The following ATP5PO variants were observed in gnomAD, a reference collection of about 807,000 sequenced individuals.
ATP5PO encodes ATP synthase peripheral stalk subunit OSCP, also known as ATP synthase peripheral stalk subunit OSCP, mitochondrial.
Under a neutral mutation model 26.2 loss-of-function variants are expected in ATP5PO, and 14 were observed. That is an observed-to-expected ratio of 0.53 (90% CI 0.35 to 0.83). ATP5PO has a LOEUF of 0.83. Among genes scored for constraint, ATP5PO ranks in the 40% least tolerant of loss-of-function variants. The probability of loss-of-function intolerance (pLI) is 0.01; values close to 1 mark genes in which losing one functional copy is unlikely to be tolerated. For missense variants in ATP5PO, 241 were observed against 258.5 expected (o/e 0.93, Z 0.46); for synonymous variants, 106 against 95.1 (o/e 1.12, Z -0.67).
At chr21:33,913,482 G>T (rs1208665505) in intron 2 of ATP5PO, among the ~76,000 whole-genome samples, 4 of 152,128 alleles carry the variant, frequency 2.6e-5, no homozygotes, top group Admixed American at 6.5e-5. Flanking sequence ...ATCAAATAAA[G>T]AATTTCAAAA....
chr21:33,913,565 AG>A (rs912071454), intron 2 of ATP5PO, among the ~76,000 whole-genome samples: 2 of 152,172 alleles, frequency 1.3e-5, no homozygotes, highest in Non-Finnish European at 1.5e-5. Flanking sequence ...GTATCATTTC[AG>A]GGGGCCTTCT....
rs765548655 is a variant in ATP5PO, at chr21:33,914,421, T to C, written c.87+29A>G. ...TTGACTCACACTTTCGCGTACTTTATCATTACAGAAGAATATAAATTAACA... is the reference window on the plus strand; with the variant it reads ...TTGACTCACACTTTCGCGTACTTTACCATTACAGAAGAATATAAATTAACA... On this transcript the variant is annotated intron_variant, in intron 2 of 6. Transcript: ENST00000290299. The C allele has an allele frequency of 6.9e-6, 11 of 1,602,560 alleles. No homozygotes were observed. The East Asian group carries it at 1.6e-4, about 23-fold the overall frequency.
At position 33,908,928 on chromosome 21, in the gene ATP5PO, A is replaced by G. The variant is rs1602772105; in HGVS notation, c.328+154T>C. The G allele has an allele frequency of 4.9e-6, 4 of 815,568 alleles. No homozygotes were observed. The East Asian group carries it at 1.1e-4, about 22-fold the overall frequency. The allele number at this position is 815,568 out of a possible 1,614,324, so 50.5% of individuals were successfully genotyped here. A position where few individuals can be genotyped will look rare whatever the true frequency, so the allele number is the denominator to read the frequency against. ...AAACGATTCACTTAGGGAGCTGGTT[A>G]AGATACAGACTCTGATTCAGCAGGT... is the stretch of plus-strand genomic sequence containing the variant. On this transcript the variant is annotated intron_variant, in intron 4 of 6. Transcript: ENST00000290299.
intron 1 of ATP5PO, chr21:33,914,974 C>T (rs2284573): frequency 0.16 from 24,722 of 154,524 alleles, 2,359 homozygotes; most frequent in Non-Finnish European, 0.22. Flanking sequence ...GAGACACTAT[C>T]CTGCCCATCA....
intron 3 of ATP5PO, among the ~76,000 whole-genome samples, chr21:33,910,238 G>A (rs181062638): frequency 6.6e-6 from 1 of 152,030 alleles, no homozygotes; most frequent in African/African-American, 2.4e-5. Flanking sequence ...CCAGGCTCCT[G>A]GCCAGAATCC....
chr21:33,912,236 G>GA, intron 3 of ATP5PO, 53 bp downstream of exon 3: 1 of 1,508,674 alleles, frequency 6.6e-7, no homozygotes. Context: ...ACAACCAAAG[G>GA]AAAAAATATA....
chr21:33,911,023 T>C (rs76485786), intron 3 of ATP5PO, among the ~76,000 whole-genome samples: 1 of 152,214 alleles, frequency 6.6e-6, no homozygotes, highest in Non-Finnish European at 1.5e-5. Flanking sequence ...GATATGTGAA[T>C]TAAAGAATGA....
chr21:33,906,916 A>T (rs1987180744), intron 5 of ATP5PO: 4 of 383,400 alleles, frequency 1.0e-5, no homozygotes. Flanking sequence ...ACCTGAGCCC[A>T]GGAGGTTGAG....
chr21:33,913,672 T>C (rs1382667778), intron 2 of ATP5PO, among the ~76,000 whole-genome samples: 2 of 152,182 alleles, frequency 1.3e-5, no homozygotes, highest in Non-Finnish European at 2.9e-5. Context: ...GGCAACTCCC[T>C]GAAATAGTGA....
chr21:33,914,758 C>A, intron 1 of ATP5PO: 1 of 422,578 alleles, frequency 2.4e-6, no homozygotes. Flanking sequence ...GGCTAGCATA[C>A]CCGTAAGACA....
At chr21:33,910,292 T>C (rs968592244) in intron 3 of ATP5PO, among the ~76,000 whole-genome samples, 2 of 152,162 alleles carry the variant, frequency 1.3e-5, no homozygotes, top group Non-Finnish European at 2.9e-5. Context: ...CATCCAATGC[T>C]AACATTTCCA....
chr21:33,903,917 A>G lies in ATP5PO; in HGVS notation c.528+18T>C, dbSNP rs749825047. 9.5e-6 allele frequency: 15 copies of G among 1,581,380 alleles called. No individual in the cohort carries two copies. Among genetic ancestry groups the G allele is most frequent in the Non-Finnish European group, 1.3e-5 (15 of 1,158,824 alleles). ...AAAATAACCCGAGAAAACGTACCATAAATAATTTAAAACCTACCTTAGCCT... is the reference window on the plus strand; with the variant it reads ...AAAATAACCCGAGAAAACGTACCATGAATAATTTAAAACCTACCTTAGCCT... On this transcript the variant is annotated intron_variant, in intron 6 of 6. Coordinates refer to ENST00000290299, the MANE Select transcript of ATP5PO (RefSeq NM_001697.3).
Position 33,909,229 on chromosome 21 carries a change from T to G in ATP5PO, c.199-18A>C, listed in dbSNP as rs764364966. On this transcript the variant is annotated intron_variant, in intron 3 of 6. Transcript: ENST00000290299. Reference sequence around the variant, plus strand: ...AGGATTTGCTGAAAGCATCAAAAAATAATTTCTTAAATTTTTTAGAGCACA... The same window carrying G: ...AGGATTTGCTGAAAGCATCAAAAAAGAATTTCTTAAATTTTTTAGAGCACA... 5 of 1,604,068 alleles carry G rather than the reference T, an allele frequency of 3.1e-6. No individual in the cohort carries two copies. In the South Asian group the frequency reaches 5.5e-5, roughly 18 times the overall value.
intron 2 of ATP5PO, among the ~76,000 whole-genome samples, chr21:33,914,130 G>A (rs1054581843): frequency 6.6e-6 from 1 of 150,544 alleles, no homozygotes; most frequent in Non-Finnish European, 1.5e-5. Context: ...TGATAACTTG[G>A]GCATGTCACT....
chr21:33,905,166 G>C (rs991828824), intron 5 of ATP5PO, among the ~76,000 whole-genome samples: 1 of 151,934 alleles, frequency 6.6e-6, no homozygotes, highest in Non-Finnish European at 1.5e-5. Flanking sequence ...TTTTGGGGGT[G>C]GGGGGTGCTG....
intron 2 of ATP5PO, among the ~76,000 whole-genome samples, chr21:33,913,803 A>C: frequency 6.6e-6 from 1 of 151,968 alleles, no homozygotes; most frequent in South Asian, 2.1e-4. Flanking sequence ...TTTTCGAGAC[A>C]GAGTCTTGGT....
At chr21:33,907,707 T>TC (rs1445084710) in intron 4 of ATP5PO, among the ~76,000 whole-genome samples, 3 of 152,184 alleles carry the variant, frequency 2.0e-5, no homozygotes, top group South Asian at 4.1e-4. Flanking sequence ...ATGTCTATAG[T>TC]CCCAGCTACT....
intron 5 of ATP5PO, among the ~76,000 whole-genome samples, chr21:33,904,537 G>C (rs535146047): frequency 2.0e-5 from 3 of 152,228 alleles, no homozygotes; most frequent in African/African-American, 7.2e-5. Flanking sequence ...CTGGAGCTCT[G>C]GCAGGCCACT....
At chr21:33,911,273 A>G (rs749749017) in intron 3 of ATP5PO, among the ~76,000 whole-genome samples, 2 of 152,184 alleles carry the variant, frequency 1.3e-5, no homozygotes, top group Non-Finnish European at 2.9e-5. Flanking sequence ...TCTGCTTTTC[A>G]TGTTTAAAAA....
Sources: gnomAD v4.1 joint callset for allele counts (sites outside exome capture counted in the v4.1 genomes callset) on GRCh38, gnomAD v4.1.1 for gene constraint, MANE v1.5 for transcripts, NCBI Gene and HGNC (gene_info 2026-07-23, HGNC 2026-07-21) for gene names.